The following BRCA1 variants were observed in gnomAD, a reference collection of about 807,000 sequenced individuals.
BRCA1 encodes BRCA1 DNA repair associated.
Under a neutral mutation model 173.7 loss-of-function variants are expected in BRCA1, and 140 were observed. That is an observed-to-expected ratio of 0.81 (90% CI 0.70 to 0.93). BRCA1 has a LOEUF of 0.93. BRCA1 is among the 40% of genes least tolerant of loss of function. The probability of loss-of-function intolerance (pLI) is 0.00; values close to 1 mark genes in which losing one functional copy is unlikely to be tolerated. For synonymous variants in BRCA1, 662 were observed against 756.0 expected, an observed-to-expected ratio of 0.88 and a Z score of 2.04; for missense variants, 1,983 against 2,172.5, an observed-to-expected ratio of 0.91 and a Z score of 1.73.
intron 6 of BRCA1, among the ~76,000 whole-genome samples, chr17:43,103,838 G>A (rs950033859): frequency 6.6e-6 from 1 of 152,020 alleles, no homozygotes; most frequent in African/African-American, 2.4e-5. Flanking sequence ...CGGGCACAGT[G>A]GCTCACACCT....
At chr17:43,118,910 C>G (rs962167168) in intron 2 of BRCA1, among the ~76,000 whole-genome samples, 3 of 152,040 alleles carry the variant, frequency 2.0e-5, no homozygotes, top group African/African-American at 7.3e-5. Flanking sequence ...ACTACAGGCG[C>G]GTGCTGCCAC....
At chr17:43,056,961 T>C in intron 19 of BRCA1, 91 bp downstream of exon 19, 1 of 1,204,682 alleles carries the variant, frequency 8.3e-7, no homozygotes, top group Non-Finnish European at 1.2e-6. Flanking sequence ...GTAATAAGTC[T>C]TACAAAATGA....
At chr17:43,048,102 C>T (rs2051014550) in intron 21 of BRCA1, among the ~76,000 whole-genome samples, 1 of 152,066 alleles carries the variant, frequency 6.6e-6, no homozygotes, top group Non-Finnish European at 1.5e-5. Context: ...TACTGTATTG[C>T]CCAGGCTGGT....
upstream of BRCA1, among the ~76,000 whole-genome samples, chr17:43,126,862 G>T (rs377699724): frequency 3.4e-4 from 52 of 152,222 alleles, 2 homozygotes; most frequent in East Asian, 9.7e-3. Flanking sequence ...GTGGGAACTG[G>T]GGCTGCGCGC....
At chr17:43,053,969 T>TAA (rs879828773) in intron 19 of BRCA1, among the ~76,000 whole-genome samples, 1 of 136,676 alleles carries the variant, frequency 7.3e-6, no homozygotes, top group South Asian at 2.3e-4. Flanking sequence ...AGCTTCGTCT[T>TAA]AAAAAAAAAA....
intron 1 of BRCA1, chr17:43,166,630 TCACACCACAAA>T (rs996096966): frequency 2.0e-5 from 3 of 152,086 alleles, no homozygotes; most frequent in African/African-American, 7.2e-5. Flanking sequence ...AACACCACGC[TCACACCACAAA>T]CACACCACAA....
At chr17:43,089,236 G>A (rs987275965) in intron 11 of BRCA1, among the ~76,000 whole-genome samples, 17 of 152,118 alleles carry the variant, frequency 1.1e-4, no homozygotes, top group African/African-American at 4.1e-4. Context: ...AAAATCACTT[G>A]ATCCTGAACC....
At chr17:43,159,995 A>G (rs2056225010) in intron 1 of BRCA1, 1 of 152,102 alleles carries the variant, frequency 6.6e-6, no homozygotes, top group African/African-American at 2.4e-5. Context: ...GCTTCAGAGG[A>G]AGGTTCTTCC....
At chr17:43,077,884 C>T (rs991714149) in intron 12 of BRCA1, among the ~76,000 whole-genome samples, 1 of 151,776 alleles carries the variant, frequency 6.6e-6, no homozygotes, top group Non-Finnish European at 1.5e-5. Flanking sequence ...TACAGGTATG[C>T]ACCACCTCGC....
Position 43,077,369 on chromosome 17 carries a change from T to C in BRCA1, c.4358-755A>G, listed in dbSNP as rs12940378. Among the ~76,000 whole-genome samples, 47,589 of 151,174 alleles carry C rather than the reference T, an allele frequency of 0.31. 7,821 individuals are homozygous for C. The highest frequency in any genetic ancestry group is 0.49 in the South Asian group (2,344 of 4,778). On this transcript the variant is annotated intron_variant, in intron 12 of 22. Transcript: ENST00000357654. Reference sequence around the variant, plus strand: ...TTTTTGAGACGGAGTCTCACTCTGTTGCCCAAGCTGAAGTGCAATGGTGCA... The same window carrying C: ...TTTTTGAGACGGAGTCTCACTCTGTCGCCCAAGCTGAAGTGCAATGGTGCA...
rs1477991559 is a variant in BRCA1, at chr17:43,045,124, C to T, written c.*554G>A. 1.9e-6 allele frequency: 1 copy of T among 534,010 alleles called. No homozygotes were observed. The highest frequency in any genetic ancestry group is 1.9e-5 in the African/African-American group (1 of 53,844). 33.1% of individuals were successfully genotyped at this position (534,010 alleles called of 1,614,324 possible). ...CAGGTTTCAAGTTTCCTTTTCATTT[C>T]TAATACCTGCCTCAGAATTTCCTCC... On this transcript the variant is annotated 3_prime_UTR_variant, in exon 23 of 23. Coordinates refer to ENST00000357654, the MANE Select transcript of BRCA1 (RefSeq NM_007294.4).
intron 6 of BRCA1, among the ~76,000 whole-genome samples, chr17:43,100,290 C>T (rs757612714): frequency 6.6e-6 from 1 of 151,190 alleles, no homozygotes; most frequent in Non-Finnish European, 1.5e-5. Flanking sequence ...ATTAATATAG[C>T]ATATTTTGAA....
chr17:43,156,736 G>A (rs1016843058), intron 1 of BRCA1, among the ~76,000 whole-genome samples: 7 of 152,230 alleles, frequency 4.6e-5, no homozygotes, highest in Non-Finnish European at 8.8e-5. Context: ...TCTCACCACT[G>A]ACTCAATTCT....
intron 11 of BRCA1, among the ~76,000 whole-genome samples, chr17:43,086,258 G>A: frequency 6.6e-6 from 1 of 152,062 alleles, no homozygotes; most frequent in Non-Finnish European, 1.5e-5. Context: ...ACCTTGATAG[G>A]AGGAAGCTTC....
At chr17:43,144,821 G>T in intron 1 of BRCA1, 1 of 431,048 alleles carries the variant, frequency 2.3e-6, no homozygotes, top group Non-Finnish European at 4.4e-6. Context: ...TGGAGTTCGA[G>T]ACCAGCCTGG....
chr17:43,126,593 G>C (rs936096457), upstream of BRCA1, among the ~76,000 whole-genome samples: 1 of 152,238 alleles, frequency 6.6e-6, no homozygotes, highest in Non-Finnish European at 1.5e-5. Context: ...GTGACAGGAT[G>C]AGAGAGCCCT....
intron 5 of BRCA1, 111 bp from the exon 6 acceptor site, chr17:43,104,372 T>C: frequency 8.6e-7 from 1 of 1,162,158 alleles, no homozygotes; most frequent in Non-Finnish European, 1.2e-6. Flanking sequence ...GTTAAGACAA[T>C]GCATTAAGGT....
intron 1 of BRCA1, chr17:43,131,386 TAA>T: frequency 3.0e-6 from 1 of 332,008 alleles, no homozygotes; most frequent in Non-Finnish European, 6.5e-6. Flanking sequence ...CTCAAAATAA[TAA>T]TAATAATAAT....
intron 15 of BRCA1, among the ~76,000 whole-genome samples, chr17:43,068,062 G>C (rs1029758495): frequency 2.3e-4 from 35 of 151,694 alleles, no homozygotes; most frequent in Admixed American, 2.2e-3. Flanking sequence ...CAGATCACAA[G>C]GTCAGGAGAT....
Sources: allele counts gnomAD v4.1 joint callset (sites outside exome capture counted in the v4.1 genomes callset), GRCh38; gene constraint gnomAD v4.1.1; transcripts MANE v1.5; gene names NCBI Gene and HGNC (gene_info 2026-07-23, HGNC 2026-07-21).